BIRC6: variants seen among roughly 807,000 people sequenced by gnomAD.
BIRC6 encodes the protein dual E2 ubiquitin-conjugating enzyme/E3 ubiquitin-protein ligase BIRC6.
BIRC6 carries 98 observed loss-of-function variants against 503.3 expected under a neutral mutation model. That is an observed-to-expected ratio of 0.19 (90% CI 0.17 to 0.23). The LOEUF (loss-of-function observed/expected upper bound fraction) is 0.23, where lower values mean the gene tolerates loss of function less well. Ranked by LOEUF, BIRC6 falls within the 10% of genes least tolerant of loss-of-function variation. The pLI is 1.00. For synonymous variants in BIRC6, 2,240 were observed against 2,078.7 expected (o/e 1.08, Z -2.11); for missense variants, 5,360 against 5,806.0 (o/e 0.92, Z 2.50).
chr2:32,411,139 A>G (rs1574019151), intron 9 of BIRC6, among the ~76,000 whole-genome samples: 1 of 151,696 alleles, frequency 6.6e-6, no homozygotes, highest in South Asian at 2.1e-4. Flanking sequence ...CCCGGGTTCA[A>G]ACGATTCTCC....
chr2:32,521,643 ATT>A (rs34394759), intron 57 of BIRC6, among the ~76,000 whole-genome samples: 286 of 140,842 alleles, frequency 2.0e-3, no homozygotes, highest in South Asian at 3.0e-3. Context: ...TAATTTTTGT[ATT>A]TTTTTTTTTT....
intron 66 of BIRC6, among the ~76,000 whole-genome samples, chr2:32,578,728 G>C (rs2060435581): frequency 6.6e-6 from 1 of 151,750 alleles, no homozygotes; most frequent in Non-Finnish European, 1.5e-5. Flanking sequence ...CCTGGGAGGT[G>C]GGGGTTGCAG....
At chr2:32,395,832 T>G (rs906030977) in intron 6 of BIRC6, among the ~76,000 whole-genome samples, 6 of 152,188 alleles carry the variant, frequency 3.9e-5, no homozygotes, top group Admixed American at 6.5e-5. Flanking sequence ...AGAACCACGC[T>G]CTAACGAAAA....
At chr2:32,558,352 C>T (rs1326363163) in intron 65 of BIRC6, among the ~76,000 whole-genome samples, 2 of 152,080 alleles carry the variant, frequency 1.3e-5, no homozygotes, top group Non-Finnish European at 2.9e-5. Flanking sequence ...GTATACAATT[C>T]GGTAAGTTTA....
At chr2:32,450,501 A>G (rs928722105) in intron 22 of BIRC6, among the ~76,000 whole-genome samples, 2 of 151,992 alleles carry the variant, frequency 1.3e-5, no homozygotes, top group African/African-American at 2.4e-5. Context: ...TTAATGTCTC[A>G]TTGTGTTGTT....
At chr2:32,597,688 G>T in intron 68 of BIRC6, 63 bp from the exon 69 acceptor site, 1 of 1,220,426 alleles carries the variant, frequency 8.2e-7, no homozygotes, top group Non-Finnish European at 1.2e-6. Context: ...GTGATTGTTT[G>T]TGATTTTTGT....
chr2:32,563,901 A>T lies in BIRC6; in HGVS notation c.13145-11255A>T, dbSNP rs536606667. On this transcript the variant is annotated intron_variant, in intron 65 of 73. Coordinates refer to ENST00000421745, the MANE Select transcript of BIRC6 (RefSeq NM_016252.4). ...CGAGACCAGCCTGGCCAACATGGTG[A>T]ACCTTGTCTCTACTAAAAATAAAAA... 1,308 of 152,286 alleles carry T rather than the reference A, an allele frequency of 8.6e-3. 10 individuals carry two copies. Among genetic ancestry groups the T allele is most frequent in the Middle Eastern group, 0.02 (6 of 298 alleles). 9.4% of individuals were successfully genotyped at this position (152,286 alleles called of 1,614,324 possible).
At chr2:32,437,818 C>T (rs545623366) in intron 15 of BIRC6, among the ~76,000 whole-genome samples, 5 of 152,122 alleles carry the variant, frequency 3.3e-5, no homozygotes, top group South Asian at 2.1e-4. Flanking sequence ...ATTAGGTTTT[C>T]GAGATGTTAT....
chr2:32,376,295 G>A (rs759522101), intron 1 of BIRC6, among the ~76,000 whole-genome samples: 5 of 152,058 alleles, frequency 3.3e-5, no homozygotes, highest in Admixed American at 1.3e-4. Context: ...TATGATTAGG[G>A]TCACATGGTG....
intron 53 of BIRC6, among the ~76,000 whole-genome samples, chr2:32,511,837 A>G (rs1011177824): frequency 2.0e-5 from 3 of 152,058 alleles, no homozygotes; most frequent in Admixed American, 6.6e-5. Context: ...AAAATTATGG[A>G]TTACATTTAA....
In BIRC6 at chr2:32,593,983, C is replaced by G. The variant is rs1299487552; in HGVS notation, c.13424C>G (p.Thr4475Ser). 6.2e-7 allele frequency: 1 copy of G among 1,613,530 alleles called. No homozygotes were observed. Among genetic ancestry groups the G allele is most frequent in the African/African-American group, 1.3e-5 (1 of 74,934 alleles). The change falls in exon 67 of 74, where the codon ACT becomes AGT. Residue 4475 changes from threonine (T) to serine (S), a missense_variant. Around this residue, in one of 16 missense-constraint regions of BIRC6, gnomAD observed 477 missense variants for 574.4 expected, o/e 0.83. Coordinates refer to ENST00000421745, the MANE Select transcript of BIRC6 (RefSeq NM_016252.4). ...DASDQEPEGL[T>S]LLVPDIQKTA... ...TCTGATCAAGAACCAGAAGGACTTA[C>G]TCTTTTGGTACCAGACATCCAAAAG... is the stretch of plus-strand genomic sequence containing the variant.
intron 45 of BIRC6, among the ~76,000 whole-genome samples, chr2:32,494,785 C>T (rs2052243937): frequency 1.3e-5 from 2 of 151,936 alleles, no homozygotes; most frequent in African/African-American, 4.8e-5. Context: ...GGGTATACAC[C>T]TGTAATCCCA....
intron 64 of BIRC6, 65 bp downstream of exon 64, chr2:32,548,079 TATTG>T (rs2058173010): frequency 7.3e-7 from 1 of 1,361,822 alleles, no homozygotes; most frequent in South Asian, 1.7e-5. Context: ...TATTTTAAAA[TATTG>T]ATAACTAATC....
chr2:32,440,751 T>TTTTTTTATTATTATTATTATTA (rs773312894), intron 16 of BIRC6, among the ~76,000 whole-genome samples: 132 of 147,178 alleles, frequency 9.0e-4, no homozygotes, highest in Non-Finnish European at 1.6e-3. Context: ...TGTTTATTTA[T>TTTTTTTATTATTATTATTATTA]TTATTATTAT....
chr2:32,431,540 A>C (rs1278104279), intron 12 of BIRC6, among the ~76,000 whole-genome samples: 3 of 152,168 alleles, frequency 2.0e-5, no homozygotes, highest in African/African-American at 7.2e-5. Context: ...TAATATACTT[A>C]GGAATTCTGT....
At position 32,463,264 on chromosome 2, in the gene BIRC6, C is replaced by T; in HGVS notation, c.4824C>T (p.Ala1608=). ...SSGTVGEAST[A]LSSAAQVALQ... ...GGACAGTTGGGGAAGCCTCGACAGC[C>T]CTGAGTTCAGCAGCCCAGGTAGCTT... The change falls in exon 24 of 74, where the codon GCC becomes GCT. Residue 1608 remains alanine (A), a synonymous_variant. Transcript: ENST00000421745. The T allele has an allele frequency of 6.2e-7, 1 of 1,613,718 alleles. No individual in the cohort carries two copies. The highest frequency in any genetic ancestry group is 8.5e-7 in the Non-Finnish European group (1 of 1,179,802).
chr2:32,427,076 TTA>T lies in BIRC6; in HGVS notation c.2873-2060_2873-2059del, dbSNP rs142783354. ...CCCTTTGCCTTTGACTCTCAAGAGC[TTA>T]TATATATATGTGTTATTTCTTTGTG... On this transcript the variant is annotated intron_variant, in intron 10 of 73. Coordinates refer to ENST00000421745, the MANE Select transcript of BIRC6 (RefSeq NM_016252.4). 7.9e-3 allele frequency among the ~76,000 whole-genome samples: 1,203 copies of T among 152,144 alleles called. 9 individuals carry two copies. Among genetic ancestry groups the T allele is most frequent in the Middle Eastern group, 0.014 (4 of 294 alleles).
chr2:32,588,355 C>CAATA (rs200099118), intron 66 of BIRC6, among the ~76,000 whole-genome samples: 2 of 151,958 alleles, frequency 1.3e-5, no homozygotes, highest in Non-Finnish European at 2.9e-5. Flanking sequence ...AACTCCGTCT[C>CAATA]AATAAATAAA....
chr2:32,436,178 G>T lies in BIRC6; in HGVS notation c.3625G>T (p.Val1209Phe). 7.0e-7 allele frequency: 1 copy of T among 1,436,550 alleles called. No individual in the cohort carries two copies. The highest frequency in any genetic ancestry group is 9.3e-7 in the Non-Finnish European group (1 of 1,075,608). The allele number at this position is 1,436,550 out of a possible 1,614,324, so 89.0% of individuals were successfully genotyped here. A position where few individuals can be genotyped will look rare whatever the true frequency, so the allele number is the denominator to read the frequency against. The change falls in exon 15 of 74, where the codon GTT (valine) becomes TTT (phenylalanine). Residue 1209 changes from valine to phenylalanine, a missense_variant. Val to Phe is a conservative substitution (Grantham distance 50, BLOSUM62 -1). This residue lies in a region of BIRC6 where 2,299 missense variants were observed against 2,267.2 expected (regional missense o/e 1.01). Transcript: ENST00000421745. ...GMLTLTSPKL[V>F]KGMAGGKYRS... ...GTTGACGTTAACAAGCCCCAAACTT[G>T]TTAAAGGTGAAGTAATACATTTTAC...
Sources: allele counts gnomAD v4.1 joint callset (sites outside exome capture counted in the v4.1 genomes callset), GRCh38; gene constraint gnomAD v4.1.1; regional missense constraint gnomAD v4.1.1; transcripts MANE v1.5; gene names NCBI Gene and HGNC (gene_info 2026-07-23, HGNC 2026-07-21).